The following KCND2 variants were observed in gnomAD, a reference collection of about 807,000 sequenced individuals.
KCND2 encodes the protein A-type voltage-gated potassium channel KCND2.
Under a neutral mutation model 54.4 loss-of-function variants are expected in KCND2, and 16 were observed. The observed-to-expected ratio is 0.29, with a 90% CI of 0.20 to 0.45. KCND2 has a LOEUF of 0.45. Ranked by LOEUF, KCND2 falls within the 20% of genes least tolerant of loss-of-function variation. The pLI is 1.00. For missense variants in KCND2, 486 were observed against 824.2 expected (o/e 0.59, Z 5.02); for synonymous variants, 317 against 310.7 (o/e 1.02, Z -0.21).
At chr7:120,677,640 C>G (rs1406339065) in intron 1 of KCND2, among the ~76,000 whole-genome samples, 1 of 151,022 alleles carries the variant, frequency 6.6e-6, no homozygotes, top group Admixed American at 6.6e-5. Flanking sequence ...ATCTGAATAT[C>G]CAGAAGATAG....
intron 1 of KCND2, among the ~76,000 whole-genome samples, chr7:120,731,027 G>T (rs1029934988): frequency 1.3e-5 from 2 of 152,142 alleles, no homozygotes; most frequent in Non-Finnish European, 2.9e-5. Flanking sequence ...AGTAGTTGGA[G>T]CTCAGACACA....
chr7:120,473,619 T>A (rs190659510), intron 1 of KCND2, among the ~76,000 whole-genome samples: 2 of 152,292 alleles, frequency 1.3e-5, no homozygotes, highest in Admixed American at 1.3e-4. Flanking sequence ...AATTTTTTTG[T>A]GTGTGTGTCA....
At chr7:120,445,496 T>C (rs1405219813) in intron 1 of KCND2, among the ~76,000 whole-genome samples, 2 of 152,166 alleles carry the variant, frequency 1.3e-5, no homozygotes, top group African/African-American at 4.8e-5. Flanking sequence ...TTACATCATG[T>C]TGCTGGACCT....
intron 1 of KCND2, among the ~76,000 whole-genome samples, chr7:120,345,138 A>G (rs1372117065): frequency 6.6e-6 from 1 of 152,182 alleles, no homozygotes; most frequent in Non-Finnish European, 1.5e-5. Context: ...CCCACAATGT[A>G]TAATTTTATG....
intron 1 of KCND2, among the ~76,000 whole-genome samples, chr7:120,497,475 A>G (rs1386692126): frequency 6.6e-6 from 1 of 152,222 alleles, no homozygotes; most frequent in Non-Finnish European, 1.5e-5. Context: ...TTAGTTTTAC[A>G]TGTTTATTTA....
intron 1 of KCND2, among the ~76,000 whole-genome samples, chr7:120,501,188 A>G (rs970040110): frequency 4.6e-5 from 7 of 152,130 alleles, no homozygotes; most frequent in African/African-American, 1.7e-4. Context: ...CTCACGGCAC[A>G]GTAATGACCT....
At chr7:120,403,691 A>G (rs1022642770) in intron 1 of KCND2, among the ~76,000 whole-genome samples, 5 of 151,990 alleles carry the variant, frequency 3.3e-5, no homozygotes, top group African/African-American at 1.2e-4. Context: ...TTTTTAATTT[A>G]ATTAAAACAA....
intron 1 of KCND2, among the ~76,000 whole-genome samples, chr7:120,596,431 C>T (rs1387389980): frequency 6.6e-6 from 1 of 152,098 alleles, no homozygotes; most frequent in Non-Finnish European, 1.5e-5. Context: ...AAGGGTGAAA[C>T]TAACATTTTA....
At chr7:120,652,111 C>T (rs1325422037) in intron 1 of KCND2, among the ~76,000 whole-genome samples, 1 of 149,776 alleles carries the variant, frequency 6.7e-6, no homozygotes, top group Admixed American at 6.7e-5. Flanking sequence ...GAGTCTTGCT[C>T]TGTTGTGAGG....
At chr7:120,638,844 T>A (rs1793337892) in intron 1 of KCND2, among the ~76,000 whole-genome samples, 1 of 152,100 alleles carries the variant, frequency 6.6e-6, no homozygotes, top group Non-Finnish European at 1.5e-5. Context: ...GATGTATAGA[T>A]TACTTAAAGT....
chr7:120,725,853 T>C (rs1382573700), intron 1 of KCND2, among the ~76,000 whole-genome samples: 4 of 152,182 alleles, frequency 2.6e-5, no homozygotes, highest in Admixed American at 2.6e-4. Context: ...TGAAAATGCA[T>C]ATGAAAACAT....
At chr7:120,653,279 C>T (rs1791760914) in intron 1 of KCND2, among the ~76,000 whole-genome samples, 1 of 151,118 alleles carries the variant, frequency 6.6e-6, no homozygotes, top group South Asian at 2.1e-4. Context: ...CTTCTGAGCT[C>T]AAGTGATCCA....
chr7:120,396,345 AT>A (rs1162102530), intron 1 of KCND2, among the ~76,000 whole-genome samples: 2 of 151,960 alleles, frequency 1.3e-5, no homozygotes, highest in Non-Finnish European at 2.9e-5. Flanking sequence ...GAGTTTCCTG[AT>A]TTACATCCTC....
rs1266538298 is a variant in KCND2 at position 120,750,102 on chromosome 7, A to G, written c.*2244A>G. On this transcript the variant is annotated 3_prime_UTR_variant, in exon 6 of 6. Coordinates refer to ENST00000331113, the MANE Select transcript of KCND2 (RefSeq NM_012281.3). ...GATGTTTTAGGTGATTTAAAAATAT[A>G]CCGTGTTGGTGGTGAATGACTATTG... 1.3e-5 allele frequency: 2 copies of G among 152,378 alleles called. No homozygotes were observed. Among genetic ancestry groups the G allele is most frequent in the East Asian group, 3.8e-4 (2 of 5,200 alleles). The allele number at this position is 152,378 out of a possible 1,614,324, so 9.4% of individuals were successfully genotyped here.
At chr7:120,570,217 G>T (rs1047390124) in intron 1 of KCND2, among the ~76,000 whole-genome samples, 3 of 152,022 alleles carry the variant, frequency 2.0e-5, no homozygotes, top group Non-Finnish European at 4.4e-5. Context: ...TAAAATATTT[G>T]TATTTCACAG....
intron 1 of KCND2, among the ~76,000 whole-genome samples, chr7:120,548,069 C>T (rs776484774): frequency 6.6e-6 from 1 of 152,036 alleles, no homozygotes; most frequent in African/African-American, 2.4e-5. Context: ...AGGTTTTTCT[C>T]ATTTCTACAA....
chr7:120,305,924 T>C (rs1264066059), intron 1 of KCND2, among the ~76,000 whole-genome samples: 3 of 152,194 alleles, frequency 2.0e-5, no homozygotes, highest in Admixed American at 6.6e-5. Flanking sequence ...TCCTCAGACT[T>C]ACCTGGCTTC....
At chr7:120,559,885 CT>C (rs1386687119) in intron 1 of KCND2, among the ~76,000 whole-genome samples, 1 of 152,094 alleles carries the variant, frequency 6.6e-6, no homozygotes. Context: ...TGAATAGTAA[CT>C]TTGATTTCCT....
In KCND2 at chr7:120,476,698, T is replaced by C. The variant is rs1288521967; in HGVS notation, c.1115+200951T>C. On this transcript the variant is annotated intron_variant, in intron 1 of 5. Transcript: ENST00000331113. ...GCTTTTATCCATAACCTCACGAATT[T>C]CATCTTACTCCTACTTTCAAAATAT... is the stretch of plus-strand genomic sequence containing the variant. Among the ~76,000 whole-genome samples, 6 of 152,256 alleles carry C rather than the reference T, an allele frequency of 3.9e-5. No individual in the cohort carries two copies. The East Asian group carries it at 1.2e-3, about 29-fold the overall frequency.
Sources: gnomAD v4.1 joint callset for allele counts (sites outside exome capture counted in the v4.1 genomes callset) on GRCh38, gnomAD v4.1.1 for gene constraint, MANE v1.5 for transcripts, NCBI Gene and HGNC (gene_info 2026-07-23, HGNC 2026-07-21) for gene names.